ZNF469: variants seen among roughly 807,000 people sequenced by gnomAD.
ZNF469 encodes the protein zinc finger protein 469.
In ZNF469, 1 loss-of-function variant was observed where a neutral mutation model predicts 1.0. The ratio of observed to expected loss-of-function variants is 1.00; its 90% CI spans 0.35 to 4.73. ZNF469 has a LOEUF of 4.73. ZNF469 is among the 30% of genes most tolerant of loss of function. ZNF469 has a pLI of 0.16. For synonymous variants in ZNF469, 2,703 were observed against 2,363.4 expected (o/e 1.14, Z -4.17); for missense variants, 6,100 against 5,356.3 (o/e 1.14, Z -4.33).
the ZNF469 span, among the ~76,000 whole-genome samples, chr16:88,110,182 C>T: frequency 1.3e-5 from 2 of 152,234 alleles, no homozygotes; most frequent in Non-Finnish European, 2.9e-5. Flanking sequence ...CCAAATCACC[C>T]AGGCCGAGGC....
At chr16:88,284,191 C>T in the ZNF469 span, among the ~76,000 whole-genome samples, 9 of 148,174 alleles carry the variant, frequency 6.1e-5, no homozygotes, top group Admixed American at 2.8e-4. Context: ...CCGAGGTCAG[C>T]GGAGGCTGGT....
the ZNF469 span, among the ~76,000 whole-genome samples, chr16:88,185,620 A>G: frequency 6.6e-6 from 1 of 151,434 alleles, no homozygotes; most frequent in Non-Finnish European, 1.5e-5. Flanking sequence ...CTACAGACAC[A>G]CTCACATTTG....
chr16:88,359,197 C>T, the ZNF469 span, among the ~76,000 whole-genome samples: 16 of 150,582 alleles, frequency 1.1e-4, 1 homozygote, highest in South Asian at 1.3e-3. Context: ...CAGAGAGTCC[C>T]GGGGGCTCGG....
intron 1 of ZNF469, among the ~76,000 whole-genome samples, chr16:88,391,464 G>C (rs1904490069): frequency 6.6e-6 from 1 of 151,976 alleles, no homozygotes; most frequent in Non-Finnish European, 1.5e-5. Context: ...CATCGTTTTG[G>C]ACAGACTGTA....
the ZNF469 span, among the ~76,000 whole-genome samples, chr16:88,314,796 T>C: frequency 6.9e-6 from 1 of 145,566 alleles, no homozygotes; most frequent in South Asian, 2.3e-4. Context: ...GATGCTGGTG[T>C]GGAATATCTC....
the ZNF469 span, among the ~76,000 whole-genome samples, chr16:88,256,831 T>TCTTC: frequency 0.3 from 42,774 of 143,482 alleles, 6,973 homozygotes; most frequent in Middle Eastern, 0.44. Context: ...CTCTTTTCTT[T>TCTTC]CTTCCTTCCT....
chr16:88,189,924 AAAG>A, the ZNF469 span, among the ~76,000 whole-genome samples: 4 of 152,190 alleles, frequency 2.6e-5, no homozygotes, highest in African/African-American at 9.7e-5. This position sits in a 1 kb window ranked among gnomAD's most constrained non-coding sequence, Gnocchi z 4.3. Context: ...GTCGGAAAGA[AAAG>A]AAAAGAAAAA....
At chr16:88,117,607 G>GTGGAGGTACCACGTGCCTTCGGGGACCA in the ZNF469 span, among the ~76,000 whole-genome samples, 1 of 148,816 alleles carries the variant, frequency 6.7e-6, no homozygotes, top group African/African-American at 2.5e-5. Context: ...TTCGGGGACC[G>GTGGAGGTACCACGTGCCTTCGGGGACCA]TGGAGGTGCC....
intron 1 of ZNF469, among the ~76,000 whole-genome samples, chr16:88,415,558 C>G (rs1905280738): frequency 1.3e-5 from 2 of 152,224 alleles, no homozygotes; most frequent in South Asian, 4.1e-4. Context: ...CACTCAGGCC[C>G]CCTCTGCAAA....
chr16:88,347,240 T>C, the ZNF469 span, among the ~76,000 whole-genome samples: 1 of 152,272 alleles, frequency 6.6e-6, no homozygotes, highest in East Asian at 1.9e-4. Context: ...ATCCCATGTT[T>C]TGGCTACATT....
chr16:88,278,601 T>C, the ZNF469 span, among the ~76,000 whole-genome samples: 5 of 129,938 alleles, frequency 3.8e-5, no homozygotes, highest in Admixed American at 1.7e-4. Flanking sequence ...TGTGCCACGC[T>C]GACACTCGGT....
At chr16:88,118,641 C>T in the ZNF469 span, among the ~76,000 whole-genome samples, 1 of 152,234 alleles carries the variant, frequency 6.6e-6, no homozygotes. Flanking sequence ...TGCGCTGATC[C>T]AGGCTCAGAT....
intron 1 of ZNF469, among the ~76,000 whole-genome samples, chr16:88,390,251 C>T (rs1172707713): frequency 6.6e-6 from 1 of 152,158 alleles, no homozygotes; most frequent in African/African-American, 2.4e-5. Flanking sequence ...GTCCTGGGAT[C>T]TGTCCTGTGG....
the ZNF469 span, among the ~76,000 whole-genome samples, chr16:88,233,521 G>A: frequency 2.1e-3 from 319 of 152,354 alleles, 3 homozygotes; most frequent in African/African-American, 6.8e-3. Flanking sequence ...ACTGGATGCC[G>A]TGTTCTGGAG....
chr16:88,272,975 C>G, the ZNF469 span, among the ~76,000 whole-genome samples: 2 of 141,090 alleles, frequency 1.4e-5, no homozygotes, highest in African/African-American at 5.4e-5. Flanking sequence ...GACGAGTGGA[C>G]GGATGGATGA....
chr16:88,381,405 C>G (rs552740693), upstream of ZNF469, among the ~76,000 whole-genome samples: 1 of 151,272 alleles, frequency 6.6e-6, no homozygotes, highest in African/African-American at 2.4e-5. Context: ...CACGCACTCA[C>G]ACACAGACAT....
chr16:88,332,872 T>G, the ZNF469 span, among the ~76,000 whole-genome samples: 4 of 152,314 alleles, frequency 2.6e-5, no homozygotes, highest in African/African-American at 9.6e-5. Context: ...GGCCCCGGGT[T>G]GCCCCTTGAG....
chr16:88,116,955 GCA>G, the ZNF469 span, among the ~76,000 whole-genome samples: 4,725 of 151,276 alleles, frequency 0.031, 239 homozygotes, highest in African/African-American at 0.11. Flanking sequence ...GTGCATGCGT[GCA>G]CACACACACA....
At chr16:88,404,111 G>C (rs1904961870) in intron 1 of ZNF469, among the ~76,000 whole-genome samples, 1 of 152,224 alleles carries the variant, frequency 6.6e-6, no homozygotes, top group Admixed American at 6.5e-5. Context: ...CGGGACCCTT[G>C]TGTTTATGCT....
Sources: allele counts gnomAD v4.1 joint callset (sites outside exome capture counted in the v4.1 genomes callset), GRCh38; gene constraint gnomAD v4.1.1; non-coding constraint Gnocchi (gnomAD v3.1); transcripts MANE v1.5; gene names NCBI Gene and HGNC (gene_info 2026-07-23, HGNC 2026-07-21).